The following PPP1R14C variants were observed in gnomAD, a reference collection of about 807,000 sequenced individuals.
PPP1R14C encodes protein phosphatase 1 regulatory inhibitor subunit 14C, also known as protein phosphatase 1 regulatory subunit 14C.
Under a neutral mutation model 20.4 loss-of-function variants are expected in PPP1R14C, and 16 were observed. The ratio of observed to expected loss-of-function variants is 0.78; its 90% confidence interval spans 0.53 to 1.19. The LOEUF is 1.19. PPP1R14C is among the 50% of genes most tolerant of loss of function. The pLI is 0.00. For synonymous variants in PPP1R14C, 91 were observed against 91.0 expected, an observed-to-expected ratio of 1.00 and a Z score of 0.00; for missense variants, 211 against 220.1, an observed-to-expected ratio of 0.96 and a Z score of 0.26.
rs1778009929 is a variant in PPP1R14C, at chr6:150,210,504, C to T, written c.307-4240C>T. Among the ~76,000 whole-genome samples the T allele has an allele frequency of 2.6e-5, 4 of 152,144 alleles. No homozygotes were observed. The South Asian group carries it at 8.3e-4, about 32-fold the overall frequency. ...GCCTCCTGCCTCCTCCCTGTTATCC[C>T]GGGCTCCGCAGTGGGGCCATCTCTT... On this transcript the variant is annotated intron_variant, in intron 1 of 3. Transcript: ENST00000361131.
At chr6:150,231,472 T>C (rs1298860941) in intron 3 of PPP1R14C, among the ~76,000 whole-genome samples, 1 of 152,186 alleles carries the variant, frequency 6.6e-6, no homozygotes, top group East Asian at 1.9e-4. Context: ...TGACACTTTG[T>C]CTAGTTTTTT....
chr6:150,241,475 G>T (rs6941534), intron 3 of PPP1R14C, among the ~76,000 whole-genome samples: 3,231 of 152,308 alleles, frequency 0.021, 104 homozygotes, highest in African/African-American at 0.073. Context: ...TAGCTGGTCA[G>T]CCAGAAGTAT....
At chr6:150,155,000 G>C (rs1422403453) in intron 1 of PPP1R14C, among the ~76,000 whole-genome samples, 1 of 152,156 alleles carries the variant, frequency 6.6e-6, no homozygotes, top group East Asian at 1.9e-4. Flanking sequence ...GTGCTTTTCT[G>C]TTCTTATTAT....
chr6:150,234,476 A>T (rs1778330394), intron 3 of PPP1R14C, among the ~76,000 whole-genome samples: 2 of 152,218 alleles, frequency 1.3e-5, no homozygotes, highest in Admixed American at 1.3e-4. Context: ...CAATGACGAG[A>T]ACCCCAAACA....
intron 1 of PPP1R14C, among the ~76,000 whole-genome samples, chr6:150,179,645 T>TAAA (rs569639979): frequency 1.4e-4 from 20 of 144,706 alleles, no homozygotes; most frequent in African/African-American, 4.8e-4. Context: ...CATGGGCTGT[T>TAAA]AAAAAAAAAA....
intron 3 of PPP1R14C, among the ~76,000 whole-genome samples, chr6:150,225,718 A>G (rs761551922): frequency 6.6e-6 from 1 of 152,242 alleles, no homozygotes; most frequent in Non-Finnish European, 1.5e-5. Context: ...AAGGAATTTG[A>G]GGCATAGAAG....
intron 1 of PPP1R14C, among the ~76,000 whole-genome samples, chr6:150,210,815 A>C (rs149641092): frequency 1.4e-3 from 206 of 152,172 alleles, no homozygotes; most frequent in Admixed American, 3.3e-3. Flanking sequence ...CCCTCAGGCC[A>C]TGTTTTCTCC....
intron 3 of PPP1R14C, among the ~76,000 whole-genome samples, chr6:150,239,006 C>T (rs1023765488): frequency 4.6e-5 from 7 of 152,090 alleles, no homozygotes; most frequent in Admixed American, 1.3e-4. Context: ...AAACCACATC[C>T]ACCAGGGAGT....
chr6:150,170,919 T>TA (rs1411922122), intron 1 of PPP1R14C, among the ~76,000 whole-genome samples: 10 of 152,074 alleles, frequency 6.6e-5, no homozygotes, highest in African/African-American at 1.4e-4. Context: ...CAAAATACAT[T>TA]TAAAAAATTT....
chr6:150,232,903 C>T (rs975225991), intron 3 of PPP1R14C, among the ~76,000 whole-genome samples: 4 of 152,088 alleles, frequency 2.6e-5, no homozygotes, highest in African/African-American at 7.2e-5. Context: ...GTTAATTTGG[C>T]CAGAGAAGAG....
In PPP1R14C at chr6:150,143,179, G is replaced by T. The variant is rs537519161; in HGVS notation, c.-14G>T. 3.0e-6 allele frequency: 4 copies of T among 1,315,178 alleles called. No individual in the cohort carries two copies. In the South Asian group the frequency reaches 8.9e-5, roughly 29 times the overall value. 81.5% of individuals were successfully genotyped at this position (1,315,178 alleles called of 1,614,324 possible). A position where few individuals can be genotyped will look rare whatever the true frequency, so the allele number is the denominator to read the frequency against. On this transcript the variant is annotated 5_prime_UTR_variant, in exon 1 of 4. Coordinates refer to ENST00000361131, the MANE Select transcript of PPP1R14C (RefSeq NM_030949.3). The surrounding 1 kb of genome is among the most constrained non-coding windows in gnomAD (Gnocchi z 5.6). ...CCTCCTCCGGGCCGCACTGAGGCTC[G>T]GGCGCGCGGGGACATGTCGGTGGCG...
At chr6:150,225,614 C>A (rs758240989) in intron 3 of PPP1R14C, among the ~76,000 whole-genome samples, 28 of 152,164 alleles carry the variant, frequency 1.8e-4, no homozygotes, top group Non-Finnish European at 2.9e-4. Context: ...GATGGGATGG[C>A]AATTTCCAAA....
At chr6:150,227,434 G>A (rs1778243063) in intron 3 of PPP1R14C, among the ~76,000 whole-genome samples, 1 of 152,200 alleles carries the variant, frequency 6.6e-6, no homozygotes, top group Non-Finnish European at 1.5e-5. Context: ...ATGTCAGGCT[G>A]TGAGCTTATT....
At chr6:150,226,963 C>G (rs1778237573) in intron 3 of PPP1R14C, among the ~76,000 whole-genome samples, 1 of 152,174 alleles carries the variant, frequency 6.6e-6, no homozygotes, top group Admixed American at 6.5e-5. Context: ...GGCAGGCCTG[C>G]TCTGCTGTTC....
At chr6:150,222,234 C>T (rs17079450) in intron 3 of PPP1R14C, among the ~76,000 whole-genome samples, 15,422 of 151,954 alleles carry the variant, frequency 0.1, 1,378 homozygotes, top group African/African-American at 0.24. Flanking sequence ...TCAGAAAAAT[C>T]TTGACATTTG....
chr6:150,195,506 C>A (rs1562266320), intron 1 of PPP1R14C, among the ~76,000 whole-genome samples: 1 of 152,162 alleles, frequency 6.6e-6, no homozygotes, highest in South Asian at 2.1e-4. Flanking sequence ...CACCACCATG[C>A]CTGGCTAATT....
At chr6:150,218,700 G>A (rs1323661669) in intron 3 of PPP1R14C, among the ~76,000 whole-genome samples, 3 of 152,064 alleles carry the variant, frequency 2.0e-5, no homozygotes, top group Non-Finnish European at 4.4e-5. Context: ...CCAGGCTGGA[G>A]TGCAGTGGTG....
intron 3 of PPP1R14C, among the ~76,000 whole-genome samples, chr6:150,224,263 T>C (rs1369086629): frequency 6.6e-6 from 1 of 152,224 alleles, no homozygotes; most frequent in Non-Finnish European, 1.5e-5. Flanking sequence ...AAGTATGTCT[T>C]GAGGTTGGTA....
intron 1 of PPP1R14C, among the ~76,000 whole-genome samples, chr6:150,200,106 CA>C (rs1777857684): frequency 6.7e-6 from 1 of 150,144 alleles, no homozygotes; most frequent in African/African-American, 2.5e-5. Flanking sequence ...TCTTGAAGAA[CA>C]CCTTACATTT....
Sources: gnomAD v4.1 joint callset for allele counts (sites outside exome capture counted in the v4.1 genomes callset) on GRCh38, gnomAD v4.1.1 for gene constraint, Gnocchi (gnomAD v3.1) non-coding constraint, MANE v1.5 for transcripts, NCBI Gene and HGNC (gene_info 2026-07-23, HGNC 2026-07-21) for gene names.